EPB41L4A: variants seen among roughly 807,000 people sequenced by gnomAD.
EPB41L4A encodes erythrocyte membrane protein band 4.1 like 4A.
In EPB41L4A, 100 loss-of-function variants were observed where a neutral mutation model predicts 108.6. That is an observed-to-expected ratio of 0.92 (90% CI 0.78 to 1.09). EPB41L4A has a LOEUF of 1.09. Among genes scored for constraint, EPB41L4A ranks in the 50% least tolerant of loss-of-function variants. The probability of loss-of-function intolerance (pLI) is 0.00; values close to 1 mark genes in which losing one functional copy is unlikely to be tolerated. For synonymous variants in EPB41L4A, 319 were observed against 289.0 expected (o/e 1.10, Z -1.05); for missense variants, 1,030 against 842.7 (o/e 1.22, Z -2.75).
At chr5:112,181,060 TAACAAGAACTGGGGCAG>T (rs1323521387) in intron 18 of EPB41L4A, among the ~76,000 whole-genome samples, 1 of 152,192 alleles carries the variant, frequency 6.6e-6, no homozygotes, top group African/African-American at 2.4e-5. Context: ...ACTCAAATAC[TAACAAGAACTGGGGCAG>T]AACAAGACCC....
At chr5:112,378,050 A>G (rs1037547372) in intron 1 of EPB41L4A, among the ~76,000 whole-genome samples, 5 of 152,234 alleles carry the variant, frequency 3.3e-5, no homozygotes, top group Non-Finnish European at 7.3e-5. Context: ...TTTTCTACCT[A>G]CAAAGTACAG....
intron 1 of EPB41L4A, among the ~76,000 whole-genome samples, chr5:112,395,280 A>G (rs1367552845): frequency 6.6e-6 from 1 of 152,236 alleles, no homozygotes; most frequent in Non-Finnish European, 1.5e-5. Context: ...CTGCACAGCA[A>G]AAGAAACTAC....
chr5:112,203,767 CG>C (rs141391115), intron 15 of EPB41L4A, among the ~76,000 whole-genome samples: 9,011 of 152,030 alleles, frequency 0.059, 423 homozygotes, highest in Admixed American at 0.15. Context: ...CTCGTCTGGG[CG>C]CAGTGGCTTA....
intron 15 of EPB41L4A, among the ~76,000 whole-genome samples, chr5:112,196,303 GT>G (rs988540764): frequency 1.3e-5 from 2 of 152,130 alleles, no homozygotes; most frequent in African/African-American, 4.8e-5. Context: ...CCACTGATGA[GT>G]TATGTGATTT....
chr5:112,317,650 A>G (rs1185185866), intron 1 of EPB41L4A, among the ~76,000 whole-genome samples: 1 of 152,178 alleles, frequency 6.6e-6, no homozygotes, highest in Non-Finnish European at 1.5e-5. Context: ...GCATATCACA[A>G]CAGATGATGC....
At chr5:112,397,355 C>T (rs1761424890) in intron 1 of EPB41L4A, among the ~76,000 whole-genome samples, 1 of 151,902 alleles carries the variant, frequency 6.6e-6, no homozygotes, top group South Asian at 2.1e-4. Flanking sequence ...TGATTTTTAC[C>T]ATAGCAAAAT....
At chr5:112,374,204 A>G (rs1257378983) in intron 1 of EPB41L4A, among the ~76,000 whole-genome samples, 1 of 152,258 alleles carries the variant, frequency 6.6e-6, no homozygotes, top group Non-Finnish European at 1.5e-5. Context: ...TACAAACCGT[A>G]GCCATGAAGA....
intron 15 of EPB41L4A, among the ~76,000 whole-genome samples, chr5:112,199,004 C>T (rs936595693): frequency 6.6e-6 from 1 of 152,156 alleles, no homozygotes; most frequent in African/African-American, 2.4e-5. Context: ...CTCTCTCTTC[C>T]TATTCAAGCA....
At chr5:112,160,072 A>C (rs2062371914), downstream of EPB41L4A, among the ~76,000 whole-genome samples, 1 of 146,896 alleles carries the variant, frequency 6.8e-6, no homozygotes, top group Non-Finnish European at 1.5e-5. Flanking sequence ...CACCAAGCCC[A>C]AGTAATTTTT....
chr5:112,312,222 C>A (rs1461229985), intron 1 of EPB41L4A, among the ~76,000 whole-genome samples: 1 of 152,108 alleles, frequency 6.6e-6, no homozygotes, highest in African/African-American at 2.4e-5. Flanking sequence ...TATACAGAAA[C>A]TCTAAAATTT....
At chr5:112,215,678 G>C (rs1405172510) in intron 12 of EPB41L4A, among the ~76,000 whole-genome samples, 2 of 149,894 alleles carry the variant, frequency 1.3e-5, no homozygotes. Context: ...CAGGAGAATG[G>C]CGTGATCCCG....
chr5:112,313,109 A>G (rs1348665266), intron 1 of EPB41L4A, among the ~76,000 whole-genome samples: 1 of 152,240 alleles, frequency 6.6e-6, no homozygotes, highest in African/African-American at 2.4e-5. Context: ...AAATGCCAGA[A>G]GAAAGGAGGA....
intron 4 of EPB41L4A, among the ~76,000 whole-genome samples, chr5:112,267,054 C>A (rs1301466095): frequency 6.6e-6 from 1 of 152,220 alleles, no homozygotes; most frequent in Non-Finnish European, 1.5e-5. Context: ...CCCAAGCAAT[C>A]TGACCCTGGA....
intron 12 of EPB41L4A, among the ~76,000 whole-genome samples, chr5:112,226,397 G>T (rs976067253): frequency 6.6e-6 from 1 of 152,148 alleles, no homozygotes; most frequent in Non-Finnish European, 1.5e-5. Context: ...TTCCCCTCTG[G>T]GAGCCCTTTC....
intron 1 of EPB41L4A, among the ~76,000 whole-genome samples, chr5:112,405,377 G>A (rs1004456258): frequency 6.6e-6 from 1 of 152,208 alleles, no homozygotes; most frequent in African/African-American, 2.4e-5. Flanking sequence ...ATGGCTCCTG[G>A]ATGCCAGATC....
At chr5:112,212,162 G>A (rs902578285) in intron 12 of EPB41L4A, among the ~76,000 whole-genome samples, 1 of 152,172 alleles carries the variant, frequency 6.6e-6, no homozygotes, top group African/African-American at 2.4e-5. Flanking sequence ...TCTCAAAATT[G>A]CAGGCAAAGA....
chr5:112,161,616 T>G (rs758129875), downstream of EPB41L4A: 1 of 519,166 alleles, frequency 1.9e-6, no homozygotes, highest in Non-Finnish European at 3.8e-6. Flanking sequence ...TAAGTAACAG[T>G]TGCTGCTTTT....
At chr5:112,204,878 T>A (rs1762396859) in intron 14 of EPB41L4A, among the ~76,000 whole-genome samples, 1 of 152,070 alleles carries the variant, frequency 6.6e-6, no homozygotes, top group Non-Finnish European at 1.5e-5. Context: ...TTAAACCTAT[T>A]AAACAGAAAA....
At chr5:112,340,281 A>G in intron 1 of EPB41L4A, among the ~76,000 whole-genome samples, 1 of 152,194 alleles carries the variant, frequency 6.6e-6, no homozygotes, top group Non-Finnish European at 1.5e-5. Context: ...AGGATGCATC[A>G]GAGTCAACCG....
Sources: allele counts gnomAD v4.1 joint callset (sites outside exome capture counted in the v4.1 genomes callset), GRCh38; gene constraint gnomAD v4.1.1; transcripts MANE v1.5; gene names NCBI Gene and HGNC (gene_info 2026-07-23, HGNC 2026-07-21).